Variants in GABRA3 observed in about 807,000 individuals in gnomAD.
GABRA3 encodes the protein gamma-aminobutyric acid receptor subunit alpha-3.
In GABRA3, 10 loss-of-function variants were observed where a neutral mutation model predicts 30.1. The observed-to-expected ratio is 0.33, with a 90% CI of 0.20 to 0.56. The LOEUF is 0.56. GABRA3 is among the 20% of genes least tolerant of loss of function. The probability of loss-of-function intolerance (pLI) is 0.89; values close to 1 mark genes in which losing one functional copy is unlikely to be tolerated. For synonymous variants in GABRA3, 151 were observed against 146.8 expected (o/e 1.03, Z -0.21); for missense variants, 233 against 392.0 (o/e 0.59, Z 3.42).
chrX:152,256,507 T>C (rs945274792), intron 4 of GABRA3, among the ~76,000 whole-genome samples: 10 of 111,574 alleles, frequency 9.0e-5, no homozygotes, highest in Admixed American at 4.8e-4. Flanking sequence ...TGAAATATTA[T>C]AGATAAATAA....
intron 1 of GABRA3, among the ~76,000 whole-genome samples, chrX:152,367,705 G>A (rs1432452754): frequency 9.0e-6 from 1 of 111,009 alleles, no homozygotes; most frequent in Non-Finnish European, 1.9e-5. Flanking sequence ...ATGTCTGAGA[G>A]GCATCTTAAA....
chrX:152,223,214 A>G (rs1362808627), intron 6 of GABRA3, among the ~76,000 whole-genome samples: 2 of 110,974 alleles, frequency 1.8e-5, no homozygotes, highest in Non-Finnish European at 3.8e-5. Context: ...AGACACTTCA[A>G]TCTTCACTGA....
At chrX:152,276,203 T>C (rs1265610216) in intron 4 of GABRA3, among the ~76,000 whole-genome samples, 1 of 111,690 alleles carries the variant, frequency 9.0e-6, no homozygotes, top group African/African-American at 3.3e-5. Context: ...CTTTTGCTGA[T>C]GCAGGTGGTG....
intron 2 of GABRA3, among the ~76,000 whole-genome samples, chrX:152,349,251 G>A (rs1049392114): frequency 2.7e-5 from 3 of 110,436 alleles, no homozygotes; most frequent in African/African-American, 3.3e-5. Context: ...GTTTTTTCAC[G>A]AGATTGCAGC....
chrX:152,227,658 A>G (rs1937990469), intron 5 of GABRA3, among the ~76,000 whole-genome samples: 1 of 108,158 alleles, frequency 9.2e-6, no homozygotes, highest in Admixed American at 1.0e-4. Context: ...GCCTACTGCT[A>G]ACATTTGTGA....
At chrX:152,315,664 G>A (rs750136906) in intron 3 of GABRA3, among the ~76,000 whole-genome samples, 249 of 111,171 alleles carry the variant, frequency 2.2e-3, no homozygotes, top group African/African-American at 7.6e-3. Context: ...GTGGGAGCAC[G>A]GTAGGAGTGA....
intron 5 of GABRA3, among the ~76,000 whole-genome samples, chrX:152,238,071 A>G (rs1221319926): frequency 2.4e-4 from 26 of 107,789 alleles, no homozygotes; most frequent in Admixed American, 2.2e-3. Flanking sequence ...GTCTTGTGCC[A>G]GTTTTCAAAG....
At chrX:152,200,586 C>T (rs1937470454) in intron 7 of GABRA3, among the ~76,000 whole-genome samples, 1 of 110,350 alleles carries the variant, frequency 9.1e-6, no homozygotes, top group Admixed American at 9.7e-5. Context: ...TTCACTCTCT[C>T]CCCACTGAGA....
At chrX:152,344,848 A>T (rs5970282) in intron 3 of GABRA3, among the ~76,000 whole-genome samples, 4,587 of 111,963 alleles carry the variant, frequency 0.041, 213 homozygotes, top group African/African-American at 0.14. Context: ...TTGAATCCTA[A>T]ATCAATGAAA....
chrX:152,442,900 A>G (rs1930971295), intron 1 of GABRA3, among the ~76,000 whole-genome samples: 2 of 112,139 alleles, frequency 1.8e-5, no homozygotes, highest in South Asian at 3.6e-4. Context: ...AATAAAAACT[A>G]AAACAAAATT....
chrX:152,324,261 G>A (rs982833843), intron 3 of GABRA3, among the ~76,000 whole-genome samples: 5 of 112,058 alleles, frequency 4.5e-5, no homozygotes, highest in Admixed American at 1.9e-4. Flanking sequence ...CTTTATTAAG[G>A]CTAATATCAA....
At chrX:152,276,436 C>T (rs1396903358) in intron 4 of GABRA3, among the ~76,000 whole-genome samples, 1 of 111,801 alleles carries the variant, frequency 8.9e-6, no homozygotes, top group Non-Finnish European at 1.9e-5. Context: ...TGATATGATT[C>T]ATCACAAGAG....
At position 152,415,703 on chromosome X, in the gene GABRA3, T is replaced by C. The variant is rs1383148279; in HGVS notation, c.-27+35443A>G. Among the ~76,000 whole-genome samples the C allele has an allele frequency of 4.5e-5, 5 of 111,670 alleles. No individual in the cohort carries two copies. The South Asian group carries it at 1.1e-3, about 25-fold the overall frequency. ...CATTGTACTACCGTCATTATCAGAA[T>C]TCCCATTGGGTGACTCTAAGTAAAA... On this transcript the variant is annotated intron_variant, in intron 1 of 9. Coordinates refer to ENST00000370314, the MANE Select transcript of GABRA3 (RefSeq NM_000808.4).
chrX:152,335,793 G>T (rs977720594), intron 3 of GABRA3, among the ~76,000 whole-genome samples: 2 of 110,459 alleles, frequency 1.8e-5, no homozygotes, highest in Non-Finnish European at 3.8e-5. Flanking sequence ...CACAGTTATG[G>T]CTCACTGCCT....
At chrX:152,227,816 AC>A (rs1937993685) in intron 5 of GABRA3, among the ~76,000 whole-genome samples, 1 of 110,733 alleles carries the variant, frequency 9.0e-6, no homozygotes, top group South Asian at 3.8e-4. Flanking sequence ...TTCTCAAGTC[AC>A]ACAACCCGGA....
chrX:152,309,015 T>C (rs1310006325), intron 3 of GABRA3, among the ~76,000 whole-genome samples: 1 of 112,328 alleles, frequency 8.9e-6, no homozygotes, highest in African/African-American at 3.2e-5. Flanking sequence ...AACAGCAGAA[T>C]AGAGAAAACT....
At chrX:152,386,878 C>T (rs1376819141) in intron 1 of GABRA3, among the ~76,000 whole-genome samples, 4 of 107,918 alleles carry the variant, frequency 3.7e-5, no homozygotes, top group South Asian at 8.3e-4. Context: ...TTTACAATAG[C>T]AAAGACTTGG....
At chrX:152,225,686 T>A (rs1048066643) in intron 5 of GABRA3, among the ~76,000 whole-genome samples, 19 of 110,243 alleles carry the variant, frequency 1.7e-4, no homozygotes, top group Admixed American at 3.9e-4. Context: ...TGATTTTTTT[T>A]TTTTTATTTT....
At chrX:152,296,884 A>G (rs1328910298) in intron 3 of GABRA3, among the ~76,000 whole-genome samples, 4 of 109,653 alleles carry the variant, frequency 3.6e-5, no homozygotes, top group Non-Finnish European at 7.6e-5. Context: ...TTTTTAGTAG[A>G]TAAGGGATTT....
Sources: gnomAD v4.1 joint callset for allele counts (sites outside exome capture counted in the v4.1 genomes callset) on GRCh38, gnomAD v4.1.1 for gene constraint, MANE v1.5 for transcripts, NCBI Gene and HGNC (gene_info 2026-07-23, HGNC 2026-07-21) for gene names.